The following CGRRF1 variants were observed in gnomAD, a reference collection of about 807,000 sequenced individuals.
CGRRF1 encodes the protein cell growth regulator with ring finger domain 1.
Under a neutral mutation model 37.2 loss-of-function variants are expected in CGRRF1, and 32 were observed. The ratio of observed to expected loss-of-function variants is 0.86; its 90% confidence interval spans 0.65 to 1.16. The LOEUF is 1.16. Among genes scored for constraint, CGRRF1 ranks in the 50% most tolerant of loss-of-function variants. The pLI is 0.00. For missense variants in CGRRF1, 391 were observed against 382.6 expected, an observed-to-expected ratio of 1.02 and a Z score of -0.18; for synonymous variants, 141 against 140.3, an observed-to-expected ratio of 1.00 and a Z score of -0.04.
chr14:54,531,935 A>T (rs2032522168), intron 4 of CGRRF1, among the ~76,000 whole-genome samples: 1 of 152,200 alleles, frequency 6.6e-6, no homozygotes, highest in Non-Finnish European at 1.5e-5. Context: ...ATATGGTAAC[A>T]TTGTTTTGTG....
chr14:54,510,172 G>A, intron 1 of CGRRF1, 109 bp downstream of exon 1: 1 of 764,556 alleles, frequency 1.3e-6, no homozygotes, highest in Non-Finnish European at 2.2e-6. Flanking sequence ...AGGACGTCGG[G>A]GATTCGGTGT....
At chr14:54,513,465 C>T (rs529857924) in intron 1 of CGRRF1, among the ~76,000 whole-genome samples, 84 of 152,218 alleles carry the variant, frequency 5.5e-4, no homozygotes, top group African/African-American at 2.0e-3. Flanking sequence ...GTCTTCAAAG[C>T]GTTAGATCGG....
At chr14:54,530,432 A>G (rs999181954) in intron 3 of CGRRF1, 11 of 726,874 alleles carry the variant, frequency 1.5e-5, no homozygotes, top group Non-Finnish European at 2.5e-5. Flanking sequence ...TATACCCATT[A>G]GCACTGAAAA....
In CGRRF1 at chr14:54,530,257, C is replaced by T. The variant is rs747889268; in HGVS notation, c.422+31C>T. On this transcript the variant is annotated intron_variant, in intron 3 of 5. Coordinates refer to ENST00000216420, the MANE Select transcript of CGRRF1 (RefSeq NM_006568.3). ...CTTTCGTCTGATATACCCATTAGCA[C>T]TGAAAATTAGACTTCTTATGGATAA... 23 of 1,525,490 alleles carry T rather than the reference C, an allele frequency of 1.5e-5. No homozygotes were observed. The East Asian group carries it at 5.1e-4, about 34-fold the overall frequency. The allele number at this position is 1,525,490 out of a possible 1,614,324, so 94.5% of individuals were successfully genotyped here. A position where few individuals can be genotyped will look rare whatever the true frequency, so the allele number is the denominator to read the frequency against.
chr14:54,538,706 G>T lies in CGRRF1; in HGVS notation c.*323G>T. 1 of 187,994 alleles carries T rather than the reference G, an allele frequency of 5.3e-6. No homozygotes were observed. Among genetic ancestry groups the T allele is most frequent in the Non-Finnish European group, 1.1e-5 (1 of 90,316 alleles). The allele number at this position is 187,994 out of a possible 1,614,324, so 11.6% of individuals were successfully genotyped here. ...AGGCAATCCATTGAAAATTTGAGGAGGTTAAATTCTTAAGATCACTAAATG... is the reference window on the plus strand; with the variant it reads ...AGGCAATCCATTGAAAATTTGAGGATGTTAAATTCTTAAGATCACTAAATG... On this transcript the variant is annotated 3_prime_UTR_variant, in exon 6 of 6. Coordinates refer to ENST00000216420, the MANE Select transcript of CGRRF1 (RefSeq NM_006568.3).
chr14:54,528,720 C>T (rs957433941), intron 2 of CGRRF1, among the ~76,000 whole-genome samples: 1 of 152,072 alleles, frequency 6.6e-6, no homozygotes, highest in African/African-American at 2.4e-5. Context: ...ATTTTTCATT[C>T]TTGAGTTAAT....
chr14:54,514,291 A>G (rs2032181077), intron 1 of CGRRF1, among the ~76,000 whole-genome samples: 1 of 152,218 alleles, frequency 6.6e-6, no homozygotes, highest in African/African-American at 2.4e-5. Context: ...TGTAAGCCGG[A>G]GAATAGAATG....
At chr14:54,529,358 T>TA (rs2032468417) in intron 2 of CGRRF1, among the ~76,000 whole-genome samples, 1 of 152,238 alleles carries the variant, frequency 6.6e-6, no homozygotes, top group Non-Finnish European at 1.5e-5. Flanking sequence ...CACATCTACT[T>TA]ACAATTTGTA....
intron 4 of CGRRF1, among the ~76,000 whole-genome samples, chr14:54,533,705 CTT>C (rs2032556710): frequency 6.6e-6 from 1 of 151,538 alleles, no homozygotes. Flanking sequence ...TTAGGAACCA[CTT>C]TGTTGTTTTA....
At chr14:54,525,057 A>G (rs572122314) in intron 2 of CGRRF1, among the ~76,000 whole-genome samples, 2 of 152,286 alleles carry the variant, frequency 1.3e-5, no homozygotes, top group East Asian at 3.9e-4. Context: ...AAAAAATAAA[A>G]TAAAAAATCA....
chr14:54,533,072 A>G (rs1594656529), intron 4 of CGRRF1, among the ~76,000 whole-genome samples: 1 of 150,290 alleles, frequency 6.7e-6, no homozygotes, highest in Non-Finnish European at 1.5e-5. Flanking sequence ...CTTCACTGAT[A>G]GTGCTCTCTA....
chr14:54,510,352 AGGGCTT>A (rs907615073), intron 1 of CGRRF1: 2 of 440,588 alleles, frequency 4.5e-6, no homozygotes, highest in Non-Finnish European at 4.1e-6. Flanking sequence ...GCAGCCAGGA[AGGGCTT>A]GGGCTTGGGC....
intron 1 of CGRRF1, among the ~76,000 whole-genome samples, chr14:54,515,536 G>A (rs1477196227): frequency 6.6e-6 from 1 of 151,948 alleles, no homozygotes; most frequent in Non-Finnish European, 1.5e-5. Flanking sequence ...CTATAATTGT[G>A]GATTTATCTA....
At chr14:54,511,034 A>C (rs945528246) in intron 1 of CGRRF1, among the ~76,000 whole-genome samples, 4 of 152,246 alleles carry the variant, frequency 2.6e-5, no homozygotes, top group Non-Finnish European at 5.9e-5. Context: ...AAATGTATAT[A>C]GTAGGGAAGA....
At position 54,538,390 on chromosome 14, in the gene CGRRF1, C is replaced by T. The variant is rs773860639; in HGVS notation, c.*7C>T. On this transcript the variant is annotated 3_prime_UTR_variant, in exon 6 of 6. Transcript: ENST00000216420. ...CAAACCGAAGACTCTTTGAAGACATCGTAACACTGAAAAGTACACTTTCTA... is the reference window on the plus strand; with the variant it reads ...CAAACCGAAGACTCTTTGAAGACATTGTAACACTGAAAAGTACACTTTCTA... 5 of 1,580,158 alleles carry T rather than the reference C, an allele frequency of 3.2e-6. No homozygotes were observed. The highest frequency in any genetic ancestry group is 1.1e-5 in the South Asian group (1 of 87,858).
At chr14:54,522,036 A>G (rs1303146499) in intron 1 of CGRRF1, among the ~76,000 whole-genome samples, 1 of 152,138 alleles carries the variant, frequency 6.6e-6, no homozygotes, top group East Asian at 1.9e-4. Context: ...ATTCTAGGAT[A>G]CCCACCCCCC....
intron 1 of CGRRF1, among the ~76,000 whole-genome samples, chr14:54,513,038 G>A (rs1199383121): frequency 2.0e-5 from 3 of 152,098 alleles, no homozygotes; most frequent in Non-Finnish European, 2.9e-5. Context: ...TTCTCTTGAT[G>A]TTGATGCTGA....
In CGRRF1 at chr14:54,510,009, A is replaced by T. The variant is rs772447063; in HGVS notation, c.50A>T (p.Tyr17Phe). Residue 17 changes from tyrosine to phenylalanine, a missense_variant, in exon 1 of 6, where the codon TAC (tyrosine) becomes TTC (phenylalanine). Transcript: ENST00000216420. ...VTLYEYSPLF[Y>F]IAVVFTCFIV... ...CTTTATGAATACTCGCCGCTTTTCT[A>T]CATCGCGGTGGTCTTTACCTGCTTC... 1.9e-6 allele frequency: 3 copies of T among 1,613,838 alleles called. No individual in the cohort carries two copies. In the South Asian group the frequency reaches 3.3e-5, roughly 18 times the overall value.
intron 2 of CGRRF1, among the ~76,000 whole-genome samples, chr14:54,524,447 A>G (rs984284394): frequency 3.0e-4 from 44 of 147,282 alleles, no homozygotes; most frequent in Admixed American, 1.8e-3. Flanking sequence ...ATGCAGTAGT[A>G]TGATCATACC....
Sources: allele counts gnomAD v4.1 joint callset (sites outside exome capture counted in the v4.1 genomes callset), GRCh38; gene constraint gnomAD v4.1.1; transcripts MANE v1.5; gene names NCBI Gene and HGNC (gene_info 2026-07-23, HGNC 2026-07-21).